DTNBP1: variants seen among roughly 807,000 people sequenced by gnomAD.
DTNBP1 encodes the protein dystrobrevin binding protein 1.
A neutral mutation model predicts 42.8 loss-of-function variants in DTNBP1; 35 were observed. The ratio of observed to expected loss-of-function variants is 0.82; its 90% CI spans 0.63 to 1.09. The LOEUF (loss-of-function observed/expected upper bound fraction) is 1.09. Ranked by LOEUF, DTNBP1 falls within the 50% of genes least tolerant of loss-of-function variation. DTNBP1 has a pLI of 0.00. For missense variants in DTNBP1, 457 were observed against 424.2 expected (o/e 1.08, Z -0.68); for synonymous variants, 171 against 162.2 (o/e 1.05, Z -0.41).
intron 7 of DTNBP1, among the ~76,000 whole-genome samples, chr6:15,592,758 G>T (rs1265157329): frequency 6.6e-6 from 1 of 152,126 alleles, no homozygotes; most frequent in Non-Finnish European, 1.5e-5. Context: ...ACATGGCCCA[G>T]ACTGTACAAG....
At chr6:15,568,951 C>T (rs191912875) in intron 7 of DTNBP1, among the ~76,000 whole-genome samples, 2 of 152,242 alleles carry the variant, frequency 1.3e-5, no homozygotes, top group Admixed American at 1.3e-4. Flanking sequence ...TGGGGTCAGT[C>T]CCCTCAACCC....
intron 5 of DTNBP1, among the ~76,000 whole-genome samples, chr6:15,616,409 G>A (rs1489035734): frequency 6.6e-6 from 1 of 152,174 alleles, no homozygotes; most frequent in Non-Finnish European, 1.5e-5. Flanking sequence ...ACAGGAGAGG[G>A]GAGGTATATT....
At chr6:15,589,805 C>T (rs1776221060) in intron 7 of DTNBP1, among the ~76,000 whole-genome samples, 1 of 152,148 alleles carries the variant, frequency 6.6e-6, no homozygotes, top group South Asian at 2.1e-4. Context: ...CATAATGACT[C>T]CTTCAATATC....
intron 2 of DTNBP1, 69 bp downstream of exon 2, chr6:15,652,018 A>T: frequency 7.3e-7 from 1 of 1,373,204 alleles, no homozygotes; most frequent in Non-Finnish European, 1.0e-6. Flanking sequence ...TAACTACACA[A>T]TTGTGAATAC....
intron 5 of DTNBP1, among the ~76,000 whole-genome samples, chr6:15,618,511 A>G (rs1312581265): frequency 6.7e-6 from 1 of 149,998 alleles, no homozygotes; most frequent in African/African-American, 2.4e-5. Flanking sequence ...AAGCACATGT[A>G]CCCCCTTACC....
At chr6:15,550,358 T>C (rs539492626) in intron 7 of DTNBP1, among the ~76,000 whole-genome samples, 1 of 152,282 alleles carries the variant, frequency 6.6e-6, no homozygotes, top group Admixed American at 6.5e-5. Flanking sequence ...CAAAAATCTA[T>C]TATGAATTCA....
intron 6 of DTNBP1, among the ~76,000 whole-genome samples, chr6:15,593,559 G>C (rs558693600): frequency 5.3e-5 from 8 of 152,336 alleles, no homozygotes; most frequent in African/African-American, 1.9e-4. Context: ...GGGGGAAAGT[G>C]CATATCAAAG....
intron 7 of DTNBP1, among the ~76,000 whole-genome samples, chr6:15,571,392 A>G (rs1305266133): frequency 6.6e-6 from 1 of 152,250 alleles, no homozygotes; most frequent in Non-Finnish European, 1.5e-5. Flanking sequence ...CACCTGTCAC[A>G]TTAAACCTCA....
rs141901197 is a variant in DTNBP1, at chr6:15,549,809, G to A, written c.512-16414C>T. Among the ~76,000 whole-genome samples the A allele has an allele frequency of 3.9e-3, 595 of 152,304 alleles. 2 individuals are homozygous for A. Among genetic ancestry groups the A allele is most frequent in the African/African-American group, 9.9e-3 (411 of 41,562 alleles). On this transcript the variant is annotated intron_variant, in intron 7 of 9. Coordinates refer to ENST00000344537, the MANE Select transcript of DTNBP1 (RefSeq NM_032122.5). ...TCAGAGCCAAGATTCAGTATTTTTA[G>A]GTTTAGTGTTTCCCAGGGACATTTG...
intron 7 of DTNBP1, among the ~76,000 whole-genome samples, chr6:15,554,964 G>T (rs550300397): frequency 1.3e-5 from 2 of 151,848 alleles, no homozygotes; most frequent in African/African-American, 4.8e-5. Context: ...TGAAATCAGC[G>T]GTGGAGTCTT....
chr6:15,545,533 C>T (rs1251926173), intron 7 of DTNBP1, among the ~76,000 whole-genome samples: 2 of 152,138 alleles, frequency 1.3e-5, no homozygotes, highest in East Asian at 3.8e-4. Flanking sequence ...AAGTACTATA[C>T]TTTTACATGC....
At chr6:15,654,433 C>G (rs1761173784) in intron 1 of DTNBP1, among the ~76,000 whole-genome samples, 1 of 152,128 alleles carries the variant, frequency 6.6e-6, no homozygotes, top group Non-Finnish European at 1.5e-5. Flanking sequence ...TTTAGTGATT[C>G]AGGAGAATTC....
At chr6:15,585,965 A>C in intron 7 of DTNBP1, 1 of 1,313,762 alleles carries the variant, frequency 7.6e-7, no homozygotes, top group Non-Finnish European at 9.7e-7. Context: ...ATTGGAATCT[A>C]CTGCCTCTAT....
intron 7 of DTNBP1, among the ~76,000 whole-genome samples, chr6:15,589,466 C>T (rs1316142015): frequency 6.6e-6 from 1 of 152,224 alleles, no homozygotes; most frequent in Non-Finnish European, 1.5e-5. Flanking sequence ...GTCAGAACTC[C>T]ACAGCCAATC....
intron 7 of DTNBP1, among the ~76,000 whole-genome samples, chr6:15,552,368 G>A (rs1031728866): frequency 2.0e-5 from 3 of 152,240 alleles, no homozygotes; most frequent in African/African-American, 7.2e-5. Context: ...AAAGTAGGCA[G>A]AGAAGCTGAA....
At chr6:15,643,077 T>C (rs931616185) in intron 3 of DTNBP1, among the ~76,000 whole-genome samples, 4 of 152,236 alleles carry the variant, frequency 2.6e-5, no homozygotes, top group African/African-American at 9.6e-5. Flanking sequence ...GAAAACTGAT[T>C]CAGCACATGA....
intron 3 of DTNBP1, among the ~76,000 whole-genome samples, chr6:15,648,867 T>C (rs143753445): frequency 2.0e-5 from 3 of 152,138 alleles, no homozygotes; most frequent in East Asian, 1.9e-4. Context: ...TTGCAAACAA[T>C]AGAAAATACA....
At position 15,546,063 on chromosome 6, in the gene DTNBP1, C is replaced by CTTTTTTT. The variant is rs34253215; in HGVS notation, c.512-12675_512-12669dup. The CTTTTTTT allele has an allele frequency of 2.3e-4, 72 of 310,834 alleles. 1 individual carries two copies. Among genetic ancestry groups the CTTTTTTT allele is most frequent in the South Asian group, 4.7e-4 (20 of 42,308 alleles). The allele number at this position is 310,834 out of a possible 1,614,324, so 19.3% of individuals were successfully genotyped here. On this transcript the variant is annotated intron_variant, in intron 7 of 9. Coordinates refer to ENST00000344537, the MANE Select transcript of DTNBP1 (RefSeq NM_032122.5). ...ATGGATCGGAAGGTCACCTCCAGTT[C>CTTTTTTT]TTTTTTTTTTTTTTTTTTTTGAGAC...
In DTNBP1 at chr6:15,523,236, G is replaced by C; in HGVS notation, c.812-17C>G. 1 of 1,613,806 alleles carries C rather than the reference G, an allele frequency of 6.2e-7. No homozygotes were observed. Among genetic ancestry groups the C allele is most frequent in the East Asian group, 2.2e-5 (1 of 44,884 alleles). On this transcript the variant is annotated splice_polypyrimidine_tract_variant and intron_variant, in intron 9 of 9. Coordinates refer to ENST00000344537, the MANE Select transcript of DTNBP1 (RefSeq NM_032122.5). ...ATTCAGGCCCTGCAAAATAACGTAG[G>C]GAAGAAAAAGCCCTGTCATAAAAAT...
Sources: allele counts gnomAD v4.1 joint callset (sites outside exome capture counted in the v4.1 genomes callset), GRCh38; gene constraint gnomAD v4.1.1; transcripts MANE v1.5; gene names NCBI Gene and HGNC (gene_info 2026-07-23, HGNC 2026-07-21).